The following SLC24A3 variants were observed in gnomAD, a reference collection of about 807,000 sequenced individuals.
SLC24A3 encodes sodium/potassium/calcium exchanger 3.
In SLC24A3, 28 loss-of-function variants were observed where a neutral mutation model predicts 75.8. The observed-to-expected ratio is 0.37, with a 90% confidence interval of 0.27 to 0.51. SLC24A3 has a LOEUF of 0.51. Ranked by LOEUF, SLC24A3 falls within the 20% of genes least tolerant of loss-of-function variation. The pLI is 0.94. For synonymous variants in SLC24A3, 372 were observed against 334.1 expected (o/e 1.11, Z -1.24); for missense variants, 663 against 847.8 (o/e 0.78, Z 2.71).
intron 1 of SLC24A3, 46 bp downstream of exon 1, chr20:19,213,030 G>A (rs1402136247): frequency 8.3e-7 from 1 of 1,199,414 alleles, no homozygotes; most frequent in East Asian, 3.3e-5. Context: ...GGCTCCGGCG[G>A]CTCGGGGCTC....
rs370519149 is a variant in SLC24A3 at position 19,659,200 on chromosome 20, G to A, written c.687+5064G>A. Among the ~76,000 whole-genome samples, 4 of 152,304 alleles carry A rather than the reference G, an allele frequency of 2.6e-5. No individual in the cohort carries two copies. The East Asian group carries it at 5.8e-4, about 22-fold the overall frequency. The stretch of plus-strand genomic sequence containing the variant: ...GTCTGTCTGCTGATGGGTCAGGTGA[G>A]CCCTTGGCAGCAGTTTGGGGGTCTT... On this transcript the variant is annotated intron_variant, in intron 7 of 16. Coordinates refer to ENST00000328041, the MANE Select transcript of SLC24A3 (RefSeq NM_020689.4).
chr20:19,247,143 A>G (rs974995701), intron 1 of SLC24A3, among the ~76,000 whole-genome samples: 3 of 152,220 alleles, frequency 2.0e-5, no homozygotes, highest in Non-Finnish European at 4.4e-5. Flanking sequence ...AATCAGTTCC[A>G]TATGTACACG....
At chr20:19,368,811 T>C (rs1985941995) in intron 2 of SLC24A3, among the ~76,000 whole-genome samples, 1 of 152,194 alleles carries the variant, frequency 6.6e-6, no homozygotes, top group Non-Finnish European at 1.5e-5. Context: ...ATTTTCCAGT[T>C]CTGACATATC....
At chr20:19,304,321 CA>C (rs1487187321) in intron 2 of SLC24A3, among the ~76,000 whole-genome samples, 1 of 152,138 alleles carries the variant, frequency 6.6e-6, no homozygotes, top group Non-Finnish European at 1.5e-5. Flanking sequence ...TTGAGAGGCT[CA>C]GGGGCAATTT....
In SLC24A3 at chr20:19,253,742, T is replaced by C. The variant is rs1418077622; in HGVS notation, c.143-27217T>C. Among the ~76,000 whole-genome samples, 2 of 152,120 alleles carry C rather than the reference T, an allele frequency of 1.3e-5. 1 individual carries two copies. The highest frequency in any genetic ancestry group is 3.9e-4 in the East Asian group (2 of 5,188). On this transcript the variant is annotated intron_variant, in intron 1 of 16. Coordinates refer to ENST00000328041, the MANE Select transcript of SLC24A3 (RefSeq NM_020689.4). ...TGGCAGGAAAAGGAGAGAAGGAAAG[T>C]GCATGGAATGGTCCTGTCCTTAAAG...
intron 3 of SLC24A3, among the ~76,000 whole-genome samples, chr20:19,570,209 G>A (rs1487480048): frequency 2.0e-5 from 3 of 152,112 alleles, no homozygotes; most frequent in Non-Finnish European, 4.4e-5. Context: ...GAGAGAGCAG[G>A]GGGAAGTGCT....
rs571534932 is a variant in SLC24A3 at position 19,388,450 on chromosome 20, G to T, written c.271+107363G>T. Among the ~76,000 whole-genome samples, 166 of 152,218 alleles carry T rather than the reference G, an allele frequency of 1.1e-3. 1 individual carries two copies. Among genetic ancestry groups the T allele is most frequent in the Non-Finnish European group, 2.2e-3 (147 of 68,008 alleles). The stretch of plus-strand genomic sequence containing the variant: ...TCCTCAGCCTGGTGCGGTGGCTCAC[G>T]CCTGTAATCCCAGCACTTTGGGAGG... On this transcript the variant is annotated intron_variant, in intron 2 of 16. Transcript: ENST00000328041.
intron 1 of SLC24A3, among the ~76,000 whole-genome samples, chr20:19,223,358 A>G (rs1600381327): frequency 6.6e-6 from 1 of 152,110 alleles, no homozygotes; most frequent in Admixed American, 6.5e-5. Flanking sequence ...TTTCCTTTAC[A>G]TTTTGCAAAA....
At chr20:19,472,533 G>A (rs535926863) in intron 2 of SLC24A3, among the ~76,000 whole-genome samples, 1 of 152,278 alleles carries the variant, frequency 6.6e-6, no homozygotes, top group Non-Finnish European at 1.5e-5. Flanking sequence ...GAAGTCAAGT[G>A]TGTTACTTCC....
intron 12 of SLC24A3, among the ~76,000 whole-genome samples, chr20:19,693,044 G>A (rs2032762784): frequency 6.6e-6 from 1 of 152,114 alleles, no homozygotes; most frequent in Admixed American, 6.5e-5. Context: ...CAGCAGGTGG[G>A]CAGTGGGTAA....
Position 19,379,799 on chromosome 20 carries a change from A to G in SLC24A3, c.271+98712A>G, listed in dbSNP as rs528227875. On this transcript the variant is annotated intron_variant, in intron 2 of 16. Coordinates refer to ENST00000328041, the MANE Select transcript of SLC24A3 (RefSeq NM_020689.4). ...TTCCCCCTTCTAGCTTGTTTCATCT[A>G]TGGATTTGGGATTGAAGGAGAATAT... 9.9e-4 allele frequency among the ~76,000 whole-genome samples: 151 copies of G among 152,260 alleles called. 1 individual carries two copies. Among genetic ancestry groups the G allele is most frequent in the Non-Finnish European group, 1.8e-3 (120 of 68,004 alleles).
At chr20:19,522,590 C>G (rs963187878) in intron 3 of SLC24A3, among the ~76,000 whole-genome samples, 1 of 152,214 alleles carries the variant, frequency 6.6e-6, no homozygotes, top group African/African-American at 2.4e-5. Flanking sequence ...TCTCTTCCCC[C>G]GCAAACGCCA....
chr20:19,245,893 A>T (rs1213283694), intron 1 of SLC24A3, among the ~76,000 whole-genome samples: 1 of 152,214 alleles, frequency 6.6e-6, no homozygotes, highest in African/African-American at 2.4e-5. Flanking sequence ...CAAATTTATA[A>T]TCAGATTGAG....
At chr20:19,367,316 C>T (rs1383996083) in intron 2 of SLC24A3, among the ~76,000 whole-genome samples, 1 of 152,132 alleles carries the variant, frequency 6.6e-6, no homozygotes, top group African/African-American at 2.4e-5. Flanking sequence ...AGTTCCTTAC[C>T]AGTTTTAAAT....
intron 2 of SLC24A3, among the ~76,000 whole-genome samples, chr20:19,345,404 C>A (rs1320417538): frequency 6.6e-6 from 1 of 152,098 alleles, no homozygotes; most frequent in Non-Finnish European, 1.5e-5. Flanking sequence ...AAAGTGATTT[C>A]TAAAGTTTAT....
rs187662958 is a variant in SLC24A3, at chr20:19,267,215, G to C, written c.143-13744G>C. Among the ~76,000 whole-genome samples the C allele has an allele frequency of 1.1e-4, 16 of 152,190 alleles. No homozygotes were observed. In the East Asian group the frequency reaches 2.9e-3, roughly 28 times the overall value. Reference sequence around the variant, plus strand: ...TTTGAAAATATTAGTTCCATACTTTGAGATACAGCTAACAGAAGGTCTGCT... The same window carrying C: ...TTTGAAAATATTAGTTCCATACTTTCAGATACAGCTAACAGAAGGTCTGCT... On this transcript the variant is annotated intron_variant, in intron 1 of 16. Transcript: ENST00000328041.
chr20:19,686,000 TG>T (rs1254922179), intron 12 of SLC24A3, among the ~76,000 whole-genome samples: 2 of 152,098 alleles, frequency 1.3e-5, no homozygotes, highest in Non-Finnish European at 2.9e-5. Context: ...GGAAGACAAA[TG>T]TAAGTTTCGC....
At chr20:19,456,257 A>G (rs1226142825) in intron 2 of SLC24A3, among the ~76,000 whole-genome samples, 1 of 152,192 alleles carries the variant, frequency 6.6e-6, no homozygotes, top group Non-Finnish European at 1.5e-5. Flanking sequence ...TGGTTTGGCT[A>G]TGTCTCCACC....
At chr20:19,439,304 T>C (rs1047309986) in intron 2 of SLC24A3, among the ~76,000 whole-genome samples, 5 of 152,242 alleles carry the variant, frequency 3.3e-5, no homozygotes, top group Non-Finnish European at 7.3e-5. Flanking sequence ...CTTTCAAAAC[T>C]TTGTAGGAAC....
Sources: gnomAD v4.1 joint callset for allele counts (sites outside exome capture counted in the v4.1 genomes callset) on GRCh38, gnomAD v4.1.1 for gene constraint, MANE v1.5 for transcripts, NCBI Gene and HGNC (gene_info 2026-07-23, HGNC 2026-07-21) for gene names.